Variants in JADE3 observed in about 807,000 individuals in gnomAD.
The protein encoded by JADE3 is protein Jade-3.
A neutral mutation model predicts 50.1 loss-of-function variants in JADE3; 2 were observed. The ratio of observed to expected loss-of-function variants is 0.04; its 90% CI spans 0.02 to 0.13. The LOEUF is 0.13. Among genes scored for constraint, JADE3 ranks in the 10% least tolerant of loss-of-function variants. JADE3 has a pLI of 1.00. For synonymous variants in JADE3, 218 were observed against 232.9 expected, an observed-to-expected ratio of 0.94 and a Z score of 0.58; for missense variants, 475 against 634.4, an observed-to-expected ratio of 0.75 and a Z score of 2.70.
At chrX:47,039,479 G>C (rs1556369131) in intron 8 of JADE3, among the ~76,000 whole-genome samples, 1 of 109,631 alleles carries the variant, frequency 9.1e-6, no homozygotes, top group African/African-American at 3.3e-5. Flanking sequence ...TAATGCTGAG[G>C]TTTGAAATAC....
At chrX:46,961,744 A>ATGGAGTTTTGGTGTCCCTGTTT (rs1318518991) in intron 1 of JADE3, among the ~76,000 whole-genome samples, 1 of 112,100 alleles carries the variant, frequency 8.9e-6, no homozygotes, top group African/African-American at 3.2e-5. Flanking sequence ...AGGTGGGATG[A>ATGGAGTTTTGGTGTCCCTGTTT]TGGAGTTTTG....
intron 1 of JADE3, among the ~76,000 whole-genome samples, chrX:46,954,812 C>T (rs1213121979): frequency 8.9e-6 from 1 of 112,032 alleles, no homozygotes. Context: ...ACCTTGGCCT[C>T]CCAAAGTGCT....
chrX:47,004,281 GT>G (rs1556359827), intron 4 of JADE3, among the ~76,000 whole-genome samples: 2 of 111,603 alleles, frequency 1.8e-5, no homozygotes, highest in Non-Finnish European at 3.8e-5. Flanking sequence ...TATAAAATTA[GT>G]TGGGAAATAT....
chrX:47,057,798 C>T (rs1157296970), intron 10 of JADE3, among the ~76,000 whole-genome samples: 1 of 111,953 alleles, frequency 8.9e-6, no homozygotes, highest in East Asian at 2.8e-4. Flanking sequence ...CATACCAACA[C>T]ATGCATGCAC....
chrX:46,946,761 T>G (rs1226569655), intron 1 of JADE3, among the ~76,000 whole-genome samples: 2 of 112,256 alleles, frequency 1.8e-5, no homozygotes, highest in African/African-American at 6.5e-5. Flanking sequence ...TTGACCATCT[T>G]GGGAGTATCT....
chrX:46,967,404 G>A (rs956981842), intron 1 of JADE3, among the ~76,000 whole-genome samples: 3 of 111,206 alleles, frequency 2.7e-5, no homozygotes, highest in African/African-American at 6.5e-5. Flanking sequence ...GTAAAATGGC[G>A]TTAACTCAGA....
chrX:46,980,225 T>C (rs1231795778), intron 1 of JADE3, among the ~76,000 whole-genome samples: 2 of 111,361 alleles, frequency 1.8e-5, no homozygotes, highest in African/African-American at 6.5e-5. Flanking sequence ...TACTGTTGAA[T>C]TTTTAGAGTT....
intron 1 of JADE3, among the ~76,000 whole-genome samples, chrX:46,930,310 C>T (rs1311117584): frequency 8.9e-6 from 1 of 111,775 alleles, no homozygotes; most frequent in Non-Finnish European, 1.9e-5. Context: ...GTGAGTGAAG[C>T]CATCTTAGAA....
At chrX:46,923,389 CTCTCTTTT>C (rs1456515057) in intron 1 of JADE3, among the ~76,000 whole-genome samples, 4 of 24,188 alleles carry the variant, frequency 1.7e-4, no homozygotes, top group East Asian at 2.2e-3. Flanking sequence ...CTCTCTCTCT[CTCTCTTTT>C]TTTTTTTTTT....
chrX:46,975,714 C>CTTTTTTTTT (rs782578317), intron 1 of JADE3, among the ~76,000 whole-genome samples: 9 of 40,515 alleles, frequency 2.2e-4, no homozygotes, highest in Non-Finnish European at 2.7e-4. Flanking sequence ...TTTTCTTTTT[C>CTTTTTTTTT]TTTTTTTTTT....
intron 8 of JADE3, among the ~76,000 whole-genome samples, chrX:47,042,304 A>G (rs1704203279): frequency 8.9e-6 from 1 of 111,933 alleles, no homozygotes; most frequent in African/African-American, 3.2e-5. Context: ...TACAGCCCTG[A>G]TGTACCACAT....
Position 46,983,242 on chromosome X carries a change from A to G in JADE3, c.-11-1642A>G, listed in dbSNP as rs1430768458. Among the ~76,000 whole-genome samples the G allele has an allele frequency of 2.7e-5, 3 of 111,589 alleles. No individual in the cohort carries two copies. In the East Asian group the frequency reaches 8.5e-4, roughly 32 times the overall value. ...CAGGAGAATTGAAGCCCCCTATTCT[A>G]TGCCCTGCCTCTCTCCCTGGGAAAA... is the stretch of plus-strand genomic sequence containing the variant. On this transcript the variant is annotated intron_variant, in intron 1 of 10. Transcript: ENST00000614628.
At chrX:46,924,091 G>A (rs1018301282) in intron 1 of JADE3, among the ~76,000 whole-genome samples, 8 of 111,899 alleles carry the variant, frequency 7.1e-5, no homozygotes, top group African/African-American at 2.6e-4. Context: ...CAAAGACTAA[G>A]CCTTTTTTTC....
chrX:46,949,593 G>A (rs1170273758), intron 1 of JADE3, among the ~76,000 whole-genome samples: 10 of 111,514 alleles, frequency 9.0e-5, no homozygotes, highest in African/African-American at 3.3e-4. Flanking sequence ...CATAATTTAC[G>A]TATAGTAAAA....
At position 47,059,117 on chromosome X, in the gene JADE3, C is replaced by G; in HGVS notation, c.*40C>G. 1 of 1,035,599 alleles carries G rather than the reference C, an allele frequency of 9.7e-7. No individual in the cohort carries two copies. The highest frequency in any genetic ancestry group is 1.3e-6 in the Non-Finnish European group (1 of 773,007). The allele number at this position is 1,035,599 out of a possible 1,213,427, so 85.3% of individuals were successfully genotyped here. A position where few individuals can be genotyped will look rare whatever the true frequency, so the allele number is the denominator to read the frequency against. On this transcript the variant is annotated 3_prime_UTR_variant, in exon 11 of 11. Coordinates refer to ENST00000614628, the MANE Select transcript of JADE3 (RefSeq NM_014735.5). ...GGATGACCCAACCTTTGCCTTTGCC[C>G]CATATATTGGGGAAAACCCATACAC...
intron 1 of JADE3, among the ~76,000 whole-genome samples, chrX:46,926,913 G>A (rs782473279): frequency 3.7e-4 from 41 of 112,253 alleles, no homozygotes; most frequent in African/African-American, 1.1e-3. Flanking sequence ...CCATTGAAAG[G>A]CATTTGAGTT....
intron 4 of JADE3, among the ~76,000 whole-genome samples, chrX:47,017,764 T>C (rs1168556107): frequency 2.7e-5 from 3 of 111,992 alleles, no homozygotes; most frequent in Non-Finnish European, 5.6e-5. Flanking sequence ...CCTTGCAATG[T>C]AAACTCTGGA....
At chrX:46,949,463 A>G (rs966626950) in intron 1 of JADE3, among the ~76,000 whole-genome samples, 7 of 112,138 alleles carry the variant, frequency 6.2e-5, no homozygotes, top group African/African-American at 9.7e-5. Context: ...ATCCTAATTT[A>G]CATTCTCACC....
At chrX:46,933,885 C>T (rs1602374110) in intron 1 of JADE3, among the ~76,000 whole-genome samples, 1 of 110,750 alleles carries the variant, frequency 9.0e-6, no homozygotes, top group East Asian at 2.8e-4. Context: ...AAAAAAAATG[C>T]TGGGCTAATT....
Sources: gnomAD v4.1 joint callset for allele counts (sites outside exome capture counted in the v4.1 genomes callset) on GRCh38, gnomAD v4.1.1 for gene constraint, MANE v1.5 for transcripts, NCBI Gene and HGNC (gene_info 2026-07-23, HGNC 2026-07-21) for gene names.